ZFYVE28: variants seen among roughly 807,000 people sequenced by gnomAD.
The protein encoded by ZFYVE28 is zinc finger FYVE-type containing 28.
In ZFYVE28, 40 loss-of-function variants were observed where a neutral mutation model predicts 82.1. That is an observed-to-expected ratio of 0.49 (90% CI 0.38 to 0.63). The LOEUF is 0.63. Among genes scored for constraint, ZFYVE28 ranks in the 30% least tolerant of loss-of-function variants. ZFYVE28 has a pLI of 0.00. For synonymous variants in ZFYVE28, 612 were observed against 546.1 expected, an observed-to-expected ratio of 1.12 and a Z score of -1.68; for missense variants, 1,321 against 1,242.1, an observed-to-expected ratio of 1.06 and a Z score of -0.96.
At chr4:2,367,145 G>C (rs748033967) in intron 1 of ZFYVE28, among the ~76,000 whole-genome samples, 1 of 152,238 alleles carries the variant, frequency 6.6e-6, no homozygotes, top group Non-Finnish European at 1.5e-5. Flanking sequence ...AATGGGTGGT[G>C]AGAGCGCTCC....
rs188860276 is a variant in ZFYVE28, at chr4:2,338,537, G to A, written c.521+916C>T. 1.2e-3 allele frequency among the ~76,000 whole-genome samples: 177 copies of A among 152,308 alleles called. 4 individuals carry two copies. In the East Asian group the frequency reaches 0.032, roughly 27 times the overall value. Reference sequence around the variant, plus strand: ...GAACTCAGGAGGTGGAGGTCGCGGTGAGCTGAGATCGTGCCACTGCACTCC... The same window carrying A: ...GAACTCAGGAGGTGGAGGTCGCGGTAAGCTGAGATCGTGCCACTGCACTCC... On this transcript the variant is annotated intron_variant, in intron 4 of 12. Transcript: ENST00000290974.
At chr4:2,413,465 C>G (rs1732729008) in intron 1 of ZFYVE28, among the ~76,000 whole-genome samples, 1 of 152,226 alleles carries the variant, frequency 6.6e-6, no homozygotes, top group Non-Finnish European at 1.5e-5. Flanking sequence ...GCAGGGCCAG[C>G]CACGCCTGCT....
rs1443520874 is a variant in ZFYVE28 at position 2,270,684 on chromosome 4, G to T, written c.*41C>A. ...GCAGCGTGGCCCCACCTTCCTGGGG[G>T]TTCCTGGCCCGGGTGGGTTGGGGCT... On this transcript the variant is annotated 3_prime_UTR_variant, in exon 13 of 13. Transcript: ENST00000290974. 6.2e-7 allele frequency: 1 copy of T among 1,611,206 alleles called. No individual in the cohort carries two copies. The highest frequency in any genetic ancestry group is 8.5e-7 in the Non-Finnish European group (1 of 1,179,008).
At chr4:2,283,724 C>T (rs114685055) in intron 8 of ZFYVE28, among the ~76,000 whole-genome samples, 252 of 152,342 alleles carry the variant, frequency 1.7e-3, no homozygotes, top group African/African-American at 5.8e-3. Flanking sequence ...AATTATCACA[C>T]ACGGAAAGTG....
At chr4:2,386,921 T>C (rs1729315966) in intron 1 of ZFYVE28, among the ~76,000 whole-genome samples, 1 of 152,230 alleles carries the variant, frequency 6.6e-6, no homozygotes, top group African/African-American at 2.4e-5. Flanking sequence ...AGCAGCCTCC[T>C]AGTCCAGTCT....
rs1003201493 is a variant in ZFYVE28, at chr4:2,394,990, T to TTCCAG, written c.39+23290_39+23294dup. ...AAGCCAGGAGAAGCTTCTGTCTTCT[T>TTCCAG]TCCAGGAGATGAAATGAAATGGCAC... On this transcript the variant is annotated intron_variant, in intron 1 of 12. Coordinates refer to ENST00000290974, the MANE Select transcript of ZFYVE28 (RefSeq NM_020972.3). The surrounding 1 kb of genome is among the most constrained non-coding windows in gnomAD (Gnocchi z 4.0). Among the ~76,000 whole-genome samples the TTCCAG allele has an allele frequency of 1.1e-4, 16 of 152,348 alleles. No individual in the cohort carries two copies. Among genetic ancestry groups the TTCCAG allele is most frequent in the African/African-American group, 2.9e-4 (12 of 41,594 alleles).
intron 8 of ZFYVE28, 28 bp from the exon 9 acceptor site, chr4:2,274,244 T>TGG: frequency 6.2e-7 from 1 of 1,603,704 alleles, no homozygotes; most frequent in Non-Finnish European, 8.5e-7. Context: ...TACCGGTGTG[T>TGG]GGGGTGGGGC....
At position 2,332,984 on chromosome 4, in the gene ZFYVE28, T is replaced by G. The variant is rs968613023; in HGVS notation, c.701+2721A>C. On this transcript the variant is annotated intron_variant, in intron 6 of 12. Transcript: ENST00000290974. This position sits in a 1 kb window ranked among gnomAD's most constrained non-coding sequence, Gnocchi z 4.7. ...CTCCCTGGACTCTGGCTTTGGGCTC[T>G]TATGCCCTCTCGCCCTTCCTCCCTC... 6.6e-6 allele frequency among the ~76,000 whole-genome samples: 1 copy of G among 151,998 alleles called. No homozygotes were observed. Among genetic ancestry groups the G allele is most frequent in the African/African-American group, 2.4e-5 (1 of 41,372 alleles).
At chr4:2,319,169 T>C (rs1247911981) in intron 7 of ZFYVE28, 1 of 152,278 alleles carries the variant, frequency 6.6e-6, no homozygotes, top group Non-Finnish European at 1.5e-5. Context: ...CTTCCTGGTG[T>C]AGGTGGCATC....
intron 8 of ZFYVE28, among the ~76,000 whole-genome samples, chr4:2,304,059 C>T (rs941670135): frequency 2.0e-4 from 30 of 152,234 alleles, no homozygotes; most frequent in African/African-American, 4.3e-4. Context: ...GAAGCGGGCC[C>T]GCTGGCGCAC....
chr4:2,346,787 T>A lies in ZFYVE28; in HGVS notation c.181-5172A>T, dbSNP rs145274218. Among the ~76,000 whole-genome samples the A allele has an allele frequency of 2.7e-5, 4 of 149,916 alleles. No individual in the cohort carries two copies. The East Asian group carries it at 7.9e-4, about 29-fold the overall frequency. On this transcript the variant is annotated intron_variant, in intron 2 of 12. Coordinates refer to ENST00000290974, the MANE Select transcript of ZFYVE28 (RefSeq NM_020972.3). ...CAACAAAGGAGACAAAGCAGAAGCA[T>A]AAAAAATAAATAGAATACATAAAAA... is the stretch of plus-strand genomic sequence containing the variant.
chr4:2,288,215 G>T (rs370295717), intron 8 of ZFYVE28, among the ~76,000 whole-genome samples: 43 of 152,292 alleles, frequency 2.8e-4, no homozygotes, highest in East Asian at 1.9e-3. Context: ...ATGAAGGCCC[G>T]AGGACCTGCA....
intron 7 of ZFYVE28, among the ~76,000 whole-genome samples, chr4:2,311,910 G>A (rs1489845694): frequency 1.3e-5 from 2 of 152,154 alleles, no homozygotes; most frequent in African/African-American, 4.8e-5. Flanking sequence ...CCAAGTAGCT[G>A]GGACTATAGG....
At chr4:2,360,673 C>T (rs1032047638) in intron 1 of ZFYVE28, among the ~76,000 whole-genome samples, 1 of 152,160 alleles carries the variant, frequency 6.6e-6, no homozygotes, top group South Asian at 2.1e-4. Context: ...ACACAGCTTA[C>T]AAAATTCAGT....
intron 1 of ZFYVE28, among the ~76,000 whole-genome samples, chr4:2,385,395 C>A (rs566205276): frequency 6.6e-6 from 1 of 152,048 alleles, no homozygotes; most frequent in Non-Finnish European, 1.5e-5. Flanking sequence ...GCTGCCCTTA[C>A]AGCCCCAGCG....
rs1013798071 is a variant in ZFYVE28, at chr4:2,300,672, C to A, written c.2051+3617G>T. Among the ~76,000 whole-genome samples, 1 of 152,066 alleles carries A rather than the reference C, an allele frequency of 6.6e-6. No homozygotes were observed. Among genetic ancestry groups the A allele is most frequent in the African/African-American group, 2.4e-5 (1 of 41,390 alleles). ...CTCCTGGAGGCTGTCGTCTGCCTGG[C>A]CAGAAACACAGGCTCCAGGGGTCTC... On this transcript the variant is annotated intron_variant, in intron 8 of 12. Transcript: ENST00000290974. The surrounding 1 kb of genome is among the most constrained non-coding windows in gnomAD (Gnocchi z 4.6).
Position 2,408,338 on chromosome 4 carries a change from G to C in ZFYVE28, c.39+9947C>G, listed in dbSNP as rs1732142695. On this transcript the variant is annotated intron_variant, in intron 1 of 12. Transcript: ENST00000290974. This position sits in a 1 kb window ranked among gnomAD's most constrained non-coding sequence, Gnocchi z 4.3. ...ACTCTGCTACTCCCCGCACCGAGAA[G>C]TGGAGGTGACAGCCCCCCCCATTTA... is the stretch of plus-strand genomic sequence containing the variant. 6.6e-6 allele frequency among the ~76,000 whole-genome samples: 1 copy of C among 152,124 alleles called. No homozygotes were observed. The highest frequency in any genetic ancestry group is 2.1e-4 in the South Asian group (1 of 4,822).
Position 2,335,642 on chromosome 4 carries a change from G to A in ZFYVE28, c.701+63C>T. ...TGGACCGGCACCCGCACGGGACCTGGCACCATCAGCCCTGCCCGTCCCGCA... is the reference window on the plus strand; with the variant it reads ...TGGACCGGCACCCGCACGGGACCTGACACCATCAGCCCTGCCCGTCCCGCA... On this transcript the variant is annotated intron_variant, in intron 6 of 12. Transcript: ENST00000290974. This position sits in a 1 kb window ranked among gnomAD's most constrained non-coding sequence, Gnocchi z 5.8. The A allele has an allele frequency of 7.4e-6, 11 of 1,479,360 alleles. No homozygotes were observed. Among genetic ancestry groups the A allele is most frequent in the Non-Finnish European group, 1.0e-5 (11 of 1,084,148 alleles). 91.6% of individuals were successfully genotyped at this position (1,479,360 alleles called of 1,614,324 possible). A position where few individuals can be genotyped will look rare whatever the true frequency, so the allele number is the denominator to read the frequency against.
At chr4:2,413,495 C>T (rs1318576332) in intron 1 of ZFYVE28, among the ~76,000 whole-genome samples, 3 of 152,208 alleles carry the variant, frequency 2.0e-5, no homozygotes, top group Admixed American at 1.3e-4. Context: ...CACTGCCAAG[C>T]GTCCTCCCAG....
Sources: allele counts gnomAD v4.1 joint callset (sites outside exome capture counted in the v4.1 genomes callset), GRCh38; gene constraint gnomAD v4.1.1; non-coding constraint Gnocchi (gnomAD v3.1); transcripts MANE v1.5; gene names NCBI Gene and HGNC (gene_info 2026-07-23, HGNC 2026-07-21).